The following TLN2 variants were observed in gnomAD, a reference collection of about 807,000 sequenced individuals.
TLN2 encodes the protein talin-2.
TLN2 carries 118 observed loss-of-function variants against 294.7 expected under a neutral mutation model. The ratio of observed to expected loss-of-function variants is 0.40; its 90% confidence interval spans 0.34 to 0.47. The LOEUF is 0.47. TLN2 is among the 20% of genes least tolerant of loss of function. The probability of loss-of-function intolerance (pLI) is 0.84; values close to 1 mark genes in which losing one functional copy is unlikely to be tolerated. For missense variants in TLN2, 3,083 were observed against 3,282.2 expected (o/e 0.94, Z 1.48); for synonymous variants, 1,431 against 1,304.5 (o/e 1.10, Z -2.09).
intron 1 of TLN2, among the ~76,000 whole-genome samples, chr15:62,573,558 C>G (rs1030077641): frequency 6.6e-6 from 1 of 152,116 alleles, no homozygotes; most frequent in African/African-American, 2.4e-5. Flanking sequence ...GCATGCATGA[C>G]AGGGGTCCCG....
At chr15:62,581,451 A>G (rs1474798892) in intron 1 of TLN2, among the ~76,000 whole-genome samples, 1 of 152,144 alleles carries the variant, frequency 6.6e-6, no homozygotes, top group Non-Finnish European at 1.5e-5. Context: ...AATAACACTT[A>G]CCTATGGTGT....
chr15:62,828,429 A>C (rs1484480994), intron 54 of TLN2: 1 of 152,172 alleles, frequency 6.6e-6, no homozygotes, highest in Non-Finnish European at 1.5e-5. Flanking sequence ...AGCAACAAAC[A>C]CCTTCATTAG....
At chr15:62,621,918 C>T (rs141317395) in intron 3 of TLN2, among the ~76,000 whole-genome samples, 1 of 152,284 alleles carries the variant, frequency 6.6e-6, no homozygotes, top group African/African-American at 2.4e-5. Context: ...GACCTCAGGA[C>T]ATAAAACCAG....
At chr15:62,480,890 C>T (rs146564512) in intron 1 of TLN2, among the ~76,000 whole-genome samples, 20 of 152,276 alleles carry the variant, frequency 1.3e-4, no homozygotes, top group African/African-American at 4.6e-4. Flanking sequence ...TGCTTCCTGG[C>T]TCTGCCTCAA....
At chr15:62,408,107 G>A (rs912940163) in intron 1 of TLN2, among the ~76,000 whole-genome samples, 2 of 152,054 alleles carry the variant, frequency 1.3e-5, no homozygotes, top group African/African-American at 2.4e-5. Context: ...CTCCGTTAGT[G>A]GAAAATAAAT....
intron 1 of TLN2, among the ~76,000 whole-genome samples, chr15:62,447,650 C>T (rs954528411): frequency 6.6e-6 from 1 of 151,968 alleles, no homozygotes; most frequent in African/African-American, 2.4e-5. Context: ...CCCGCCACCA[C>T]GCCCGGCTAA....
Position 62,712,000 on chromosome 15 carries a change from A to C in TLN2, c.2557A>C (p.Met853Leu). The C allele has an allele frequency of 6.2e-7, 1 of 1,614,228 alleles. No homozygotes were observed. The highest frequency in any genetic ancestry group is 8.5e-7 in the Non-Finnish European group (1 of 1,180,026). Reference sequence around the variant, plus strand: ...GTCAGATGCAGAAGCCGAAATCGACATGGAGAATTCAAAGAAGCTCCTGGC... The same window carrying C: ...GTCAGATGCAGAAGCCGAAATCGACCTGGAGAATTCAAAGAAGCTCCTGGC... ...MRSDAEAEID[M>L]ENSKKLLAAA... The change falls in exon 22 of 59, where the codon ATG becomes CTG. Residue 853 changes from methionine to leucine, a missense_variant. Physicochemically the swap from Met to Leu is conservative, Grantham distance 15. Coordinates refer to ENST00000636159, the MANE Select transcript of TLN2 (RefSeq NM_015059.3).
intron 2 of TLN2, among the ~76,000 whole-genome samples, chr15:62,610,920 T>C (rs1372185995): frequency 2.6e-5 from 4 of 152,196 alleles, no homozygotes; most frequent in Non-Finnish European, 5.9e-5. Flanking sequence ...TTCACACCAA[T>C]ACTTCAGATT....
At chr15:62,745,461 G>T (rs956414522) in intron 32 of TLN2, among the ~76,000 whole-genome samples, 2 of 152,062 alleles carry the variant, frequency 1.3e-5, no homozygotes, top group Non-Finnish European at 2.9e-5. Context: ...TAGATTTATT[G>T]AAATTTTTTC....
At chr15:62,506,298 T>A (rs541810057) in intron 1 of TLN2, among the ~76,000 whole-genome samples, 19 of 152,322 alleles carry the variant, frequency 1.2e-4, no homozygotes, top group African/African-American at 4.3e-4. Flanking sequence ...GGCTACCCTC[T>A]GGGAAACTGG....
intron 1 of TLN2, among the ~76,000 whole-genome samples, chr15:62,481,004 A>G (rs2038057650): frequency 6.6e-6 from 1 of 152,226 alleles, no homozygotes; most frequent in Non-Finnish European, 1.5e-5. Context: ...TTTTACCTGC[A>G]GCCTGTGGCT....
chr15:62,505,830 G>A (rs1486534051), intron 1 of TLN2, among the ~76,000 whole-genome samples: 3 of 152,090 alleles, frequency 2.0e-5, no homozygotes, highest in East Asian at 1.9e-4. Flanking sequence ...CTCTATGATG[G>A]GGGGCGGACG....
intron 6 of TLN2, among the ~76,000 whole-genome samples, chr15:62,652,815 A>G (rs781102254): frequency 2.6e-5 from 4 of 152,214 alleles, no homozygotes; most frequent in Non-Finnish European, 5.9e-5. Context: ...GGAATTACTT[A>G]GCACTGGAGA....
chr15:62,423,886 T>A (rs556326913), intron 1 of TLN2, among the ~76,000 whole-genome samples: 1 of 152,318 alleles, frequency 6.6e-6, no homozygotes, highest in South Asian at 2.1e-4. Flanking sequence ...GGCCTGAAAT[T>A]GATTTTTAAG....
chr15:62,577,436 C>T (rs538027501), intron 1 of TLN2, among the ~76,000 whole-genome samples: 1 of 152,282 alleles, frequency 6.6e-6, no homozygotes, highest in South Asian at 2.1e-4. Flanking sequence ...AAGAGCAAAA[C>T]TCCATCTCAA....
At chr15:62,774,182 A>G (rs971614250) in intron 42 of TLN2, among the ~76,000 whole-genome samples, 11 of 151,742 alleles carry the variant, frequency 7.2e-5, no homozygotes, top group African/African-American at 2.7e-4. Flanking sequence ...GCCTTCTCCC[A>G]TTTTTCCATA....
At chr15:62,745,876 C>T (rs1044891096) in intron 32 of TLN2, among the ~76,000 whole-genome samples, 10 of 152,170 alleles carry the variant, frequency 6.6e-5, no homozygotes, top group African/African-American at 2.4e-4. Context: ...TATGGGAATT[C>T]GTGATAGCTA....
chr15:62,538,784 A>G (rs1289939932), intron 1 of TLN2, among the ~76,000 whole-genome samples: 1 of 152,214 alleles, frequency 6.6e-6, no homozygotes, highest in African/African-American at 2.4e-5. Context: ...GTGAATCAAT[A>G]AACCTAGGAC....
intron 18 of TLN2, 88 bp from the exon 19 acceptor site, chr15:62,702,678 G>T (rs751164556): frequency 5.3e-5 from 71 of 1,350,850 alleles, no homozygotes; most frequent in Admixed American, 8.6e-5. Flanking sequence ...AGCAAATTCT[G>T]TGAGATTCTA....
Sources: gnomAD v4.1 joint callset for allele counts (sites outside exome capture counted in the v4.1 genomes callset) on GRCh38, gnomAD v4.1.1 for gene constraint, MANE v1.5 for transcripts, NCBI Gene and HGNC (gene_info 2026-07-23, HGNC 2026-07-21) for gene names.